The following MYT1L variants were observed in gnomAD, a reference collection of about 807,000 sequenced individuals.
MYT1L encodes the protein myelin transcription factor 1-like protein.
In MYT1L, 12 loss-of-function variants were observed where a neutral mutation model predicts 126.7. The observed-to-expected ratio is 0.09, with a 90% CI of 0.06 to 0.15. The LOEUF is 0.15. Among genes scored for constraint, MYT1L ranks in the 10% least tolerant of loss-of-function variants. The probability of loss-of-function intolerance (pLI) is 1.00; values close to 1 mark genes in which losing one functional copy is unlikely to be tolerated. For missense variants in MYT1L, 979 were observed against 1,585.2 expected (o/e 0.62, Z 6.49); for synonymous variants, 541 against 604.2 (o/e 0.90, Z 1.53).
chr2:2,330,370 C>A (rs550618022), intron 1 of MYT1L, among the ~76,000 whole-genome samples: 4 of 152,120 alleles, frequency 2.6e-5, no homozygotes, highest in East Asian at 1.9e-4. Flanking sequence ...TTATTCAGAT[C>A]TATCTTAAAA....
chr2:2,002,615 C>G (rs1249163890), intron 4 of MYT1L, among the ~76,000 whole-genome samples: 1 of 152,178 alleles, frequency 6.6e-6, no homozygotes, highest in African/African-American at 2.4e-5. Context: ...TGTCCTTACT[C>G]ACAGGGTAGG....
chr2:2,155,108 C>T (rs189196639), intron 3 of MYT1L, among the ~76,000 whole-genome samples: 119 of 152,252 alleles, frequency 7.8e-4, no homozygotes, highest in Middle Eastern at 3.4e-3. Flanking sequence ...GCCTGGGCAA[C>T]AAGAGTGAAA....
intron 8 of MYT1L, among the ~76,000 whole-genome samples, chr2:1,967,040 G>T (rs1423032866): frequency 6.6e-6 from 1 of 152,028 alleles, no homozygotes; most frequent in Non-Finnish European, 1.5e-5. Context: ...TAGTTTTGGG[G>T]GTACAAGTGG....
At chr2:2,153,295 G>C (rs1472255441) in intron 3 of MYT1L, among the ~76,000 whole-genome samples, 1 of 152,164 alleles carries the variant, frequency 6.6e-6, no homozygotes, top group Non-Finnish European at 1.5e-5. Context: ...ATGCAAGAAG[G>C]GCAGCCATCA....
chr2:2,158,817 G>A (rs761903421), intron 3 of MYT1L, among the ~76,000 whole-genome samples: 1 of 152,064 alleles, frequency 6.6e-6, no homozygotes, highest in Admixed American at 6.6e-5. Context: ...GTCTTTCACC[G>A]ACAGGCAGAC....
intron 4 of MYT1L, among the ~76,000 whole-genome samples, chr2:2,053,544 A>C (rs2150099831): frequency 6.6e-6 from 1 of 152,316 alleles, no homozygotes; most frequent in African/African-American, 2.4e-5. Context: ...ACCTACAGGA[A>C]CCCTAGGCAA....
chr2:1,866,756 AGG>A (rs2045596756), intron 18 of MYT1L, among the ~76,000 whole-genome samples: 4 of 79,870 alleles, frequency 5.0e-5, no homozygotes, highest in African/African-American at 1.5e-4. Flanking sequence ...AGAGAGAGGG[AGG>A]GGGAGAGAGG....
In MYT1L at chr2:1,968,933, C is replaced by A. The variant is rs1316967697; in HGVS notation, c.152+10232G>T. On this transcript the variant is annotated intron_variant, in intron 8 of 24. Coordinates refer to ENST00000647738, the MANE Select transcript of MYT1L (RefSeq NM_001303052.2). ...TGCGTGTGCAGCAGAGGCCTGGCCC[C>A]CTAGGTGCTTCTGGGGCACCCCAGA... Among the ~76,000 whole-genome samples the A allele has an allele frequency of 3.9e-5, 6 of 152,288 alleles. No individual in the cohort carries two copies. In the East Asian group the frequency reaches 9.7e-4, roughly 25 times the overall value.
intron 5 of MYT1L, among the ~76,000 whole-genome samples, chr2:1,991,839 T>C (rs759286621): frequency 2.6e-5 from 4 of 152,166 alleles, no homozygotes; most frequent in Non-Finnish European, 5.9e-5. Context: ...CAGCGAAGAC[T>C]AGGATTCTCT....
At chr2:2,261,105 C>T (rs899688298) in intron 2 of MYT1L, among the ~76,000 whole-genome samples, 1 of 151,940 alleles carries the variant, frequency 6.6e-6, no homozygotes, top group Non-Finnish European at 1.5e-5. Flanking sequence ...CACCCTACCG[C>T]CCTTCCTCCC....
In MYT1L at chr2:1,839,263, T is replaced by C. The variant is rs758706264; in HGVS notation, c.2966A>G (p.Tyr989Cys). 1 of 1,613,794 alleles carries C rather than the reference T, an allele frequency of 6.2e-7. No individual in the cohort carries two copies. The highest frequency in any genetic ancestry group is 1.1e-5 in the South Asian group (1 of 91,092). The part of the protein sequence containing the change: ...PLAAKRQKDG[Y>C]LNGSQFSWKS... ...CCAGGAGAACTGGGAGCCATTCAGGTACCCGTCTTTCTGCCTCTTGGCCGC... is the reference window on the plus strand; with the variant it reads ...CCAGGAGAACTGGGAGCCATTCAGGCACCCGTCTTTCTGCCTCTTGGCCGC... Residue 989 changes from tyrosine (Y) to cysteine (C), a missense_variant, in exon 21 of 25, where the codon TAC becomes TGC. Physicochemically the swap from Tyr to Cys is radical, Grantham distance 194 (BLOSUM62 -2). Coordinates refer to ENST00000647738, the MANE Select transcript of MYT1L (RefSeq NM_001303052.2).
At chr2:1,907,864 C>G (rs2051301650) in intron 13 of MYT1L, among the ~76,000 whole-genome samples, 2 of 152,272 alleles carry the variant, frequency 1.3e-5, no homozygotes, top group Admixed American at 1.3e-4. Context: ...CTGTCACACC[C>G]AGCATGCCAG....
intron 2 of MYT1L, among the ~76,000 whole-genome samples, chr2:2,227,474 C>T (rs1016975468): frequency 3.3e-5 from 5 of 152,092 alleles, no homozygotes; most frequent in South Asian, 2.1e-4. Context: ...AGGAGTGCAT[C>T]GAGGGACCAC....
intron 20 of MYT1L, 99 bp downstream of exon 20, chr2:1,840,661 G>C (rs1195851288): frequency 1.2e-6 from 1 of 864,548 alleles, no homozygotes; most frequent in South Asian, 1.6e-5. Context: ...ACTAAGACCC[G>C]CTGTCTCTTT....
chr2:2,152,077 AAG>A (rs1398266748), intron 3 of MYT1L, among the ~76,000 whole-genome samples: 1 of 152,214 alleles, frequency 6.6e-6, no homozygotes, highest in Non-Finnish European at 1.5e-5. Context: ...CAATCAATAA[AAG>A]AAATAAAAAT....
chr2:2,226,864 G>C (rs537082808), intron 2 of MYT1L, among the ~76,000 whole-genome samples: 1 of 152,252 alleles, frequency 6.6e-6, no homozygotes, highest in South Asian at 2.1e-4. Context: ...TCAACCCTGG[G>C]CTTCTGTCCA....
chr2:2,102,335 C>T (rs1370931492), intron 3 of MYT1L, among the ~76,000 whole-genome samples: 1 of 152,176 alleles, frequency 6.6e-6, no homozygotes, highest in Non-Finnish European at 1.5e-5. Flanking sequence ...ACTAATGGAA[C>T]ATAGGTAAAT....
intron 23 of MYT1L, among the ~76,000 whole-genome samples, chr2:1,799,833 G>T (rs7560311): frequency 1.3e-5 from 2 of 151,962 alleles, no homozygotes; most frequent in Non-Finnish European, 2.9e-5. Context: ...TCATGGGGGC[G>T]TTCCCCCATG....
At chr2:2,071,295 A>C (rs1489092830) in intron 3 of MYT1L, among the ~76,000 whole-genome samples, 1 of 152,242 alleles carries the variant, frequency 6.6e-6, no homozygotes, top group Non-Finnish European at 1.5e-5. Context: ...TCCATTAATA[A>C]TGAGATTAGG....
Sources: allele counts gnomAD v4.1 joint callset (sites outside exome capture counted in the v4.1 genomes callset), GRCh38; gene constraint gnomAD v4.1.1; transcripts MANE v1.5; gene names NCBI Gene and HGNC (gene_info 2026-07-23, HGNC 2026-07-21).